The following PTPRT variants were observed in gnomAD, a reference collection of about 807,000 sequenced individuals.
PTPRT encodes receptor-type tyrosine-protein phosphatase T.
A neutral mutation model predicts 176.8 loss-of-function variants in PTPRT; 56 were observed. The ratio of observed to expected loss-of-function variants is 0.32; its 90% CI spans 0.26 to 0.40. The LOEUF is 0.40. PTPRT is among the 10% of genes least tolerant of loss of function. PTPRT has a pLI of 1.00. For missense variants in PTPRT, 1,540 were observed against 1,908.2 expected (o/e 0.81, Z 3.60); for synonymous variants, 783 against 739.0 (o/e 1.06, Z -0.96).
At chr20:42,850,102 C>T (rs4812659) in intron 2 of PTPRT, among the ~76,000 whole-genome samples, 35,800 of 152,134 alleles carry the variant, frequency 0.24, 5,635 homozygotes, top group African/African-American at 0.45. Context: ...TTGTGAAGGA[C>T]TACCTCTTCC....
chr20:42,255,505 T>C (rs574133200), intron 13 of PTPRT, among the ~76,000 whole-genome samples: 2 of 152,206 alleles, frequency 1.3e-5, no homozygotes, highest in African/African-American at 2.4e-5. Flanking sequence ...ACCTGCTACC[T>C]AAGTTCATCC....
intron 1 of PTPRT, among the ~76,000 whole-genome samples, chr20:43,128,217 C>T (rs939191257): frequency 8.5e-5 from 13 of 152,136 alleles, no homozygotes; most frequent in African/African-American, 3.1e-4. Context: ...CCCAAGGCCC[C>T]CATTTGGACA....
At position 42,097,044 on chromosome 20, in the gene PTPRT, T is replaced by C. The variant is rs184892035; in HGVS notation, c.3846+1377A>G. Among the ~76,000 whole-genome samples the C allele has an allele frequency of 1.6e-4, 24 of 152,294 alleles. 2 individuals are homozygous for C. In the East Asian group the frequency reaches 4.1e-3, roughly 26 times the overall value. On this transcript the variant is annotated intron_variant, in intron 27 of 30. Transcript: ENST00000373187. ...GCACCAGGAGAAAATGAGACAGCAG[T>C]GTGGGTGGAAGCCCAACCCCTGCCT...
At chr20:42,671,075 C>T (rs2075404591) in intron 7 of PTPRT, among the ~76,000 whole-genome samples, 1 of 152,148 alleles carries the variant, frequency 6.6e-6, no homozygotes, top group African/African-American at 2.4e-5. Context: ...AGGAGAGGTA[C>T]AGGGCCAAGT....
chr20:42,491,192 C>A (rs546310576), intron 7 of PTPRT, among the ~76,000 whole-genome samples: 41 of 152,082 alleles, frequency 2.7e-4, no homozygotes, highest in Non-Finnish European at 5.7e-4. Flanking sequence ...TATACATTCA[C>A]GCATGAAATG....
intron 26 of PTPRT, among the ~76,000 whole-genome samples, chr20:42,101,650 C>T (rs1985945187): frequency 6.6e-6 from 1 of 152,156 alleles, no homozygotes; most frequent in South Asian, 2.1e-4. Context: ...TTTACTGAGC[C>T]CCTACTGTGC....
chr20:42,050,701 C>T, the PTPRT span, among the ~76,000 whole-genome samples: 4 of 152,230 alleles, frequency 2.6e-5, no homozygotes, highest in East Asian at 1.9e-4. Flanking sequence ...CTTTTAGGTG[C>T]GGCCACAGGG....
intron 16 of PTPRT, among the ~76,000 whole-genome samples, chr20:42,180,178 T>C (rs1380593190): frequency 1.3e-5 from 2 of 152,192 alleles, no homozygotes; most frequent in Non-Finnish European, 2.9e-5. Flanking sequence ...TAATTTACAA[T>C]GGTACCTTCT....
At chr20:42,495,897 C>T (rs1448084297) in intron 7 of PTPRT, among the ~76,000 whole-genome samples, 1 of 152,086 alleles carries the variant, frequency 6.6e-6, no homozygotes, top group Non-Finnish European at 1.5e-5. Context: ...AACCTCCCAC[C>T]CCCACACAGT....
chr20:42,119,013 GAAAAAAAAAAAAAAAAA>G (rs11415242), intron 20 of PTPRT, among the ~76,000 whole-genome samples: 3 of 29,214 alleles, frequency 1.0e-4, no homozygotes, highest in African/African-American at 1.4e-4. Context: ...AGAAAGGAAG[GAAAAAAAAAAAAAAAAA>G]AAAAAAAAAA....
intron 15 of PTPRT, 127 bp from the exon 16 acceptor site, chr20:42,199,515 G>T: frequency 9.1e-7 from 1 of 1,104,968 alleles, no homozygotes; most frequent in Admixed American, 2.4e-5. Flanking sequence ...TCCAGAAAAA[G>T]AATCAAGGCA....
At chr20:42,469,791 C>A (rs937870971) in intron 8 of PTPRT, among the ~76,000 whole-genome samples, 6 of 145,598 alleles carry the variant, frequency 4.1e-5, no homozygotes, top group African/African-American at 1.5e-4. Flanking sequence ...GATGGATCAT[C>A]AAAGTAGACT....
intron 7 of PTPRT, among the ~76,000 whole-genome samples, chr20:42,641,722 C>CA (rs1398544688): frequency 6.6e-6 from 1 of 152,110 alleles, no homozygotes; most frequent in African/African-American, 2.4e-5. Context: ...AGAACCTAAG[C>CA]AGTTGGAATA....
At chr20:42,878,765 A>T (rs770432524) in intron 2 of PTPRT, among the ~76,000 whole-genome samples, 18 of 152,334 alleles carry the variant, frequency 1.2e-4, no homozygotes, top group South Asian at 8.3e-4. Context: ...GTGGTGGCTG[A>T]CACCTGTAAT....
intron 1 of PTPRT, among the ~76,000 whole-genome samples, chr20:43,018,183 T>C (rs995981019): frequency 1.3e-4 from 20 of 152,312 alleles, no homozygotes; most frequent in African/African-American, 4.6e-4. Flanking sequence ...CCCAGGGCCC[T>C]TTCCTTTACC....
At chr20:43,163,928 A>G (rs4810377) in intron 1 of PTPRT, among the ~76,000 whole-genome samples, 17,741 of 152,230 alleles carry the variant, frequency 0.12, 1,376 homozygotes, top group East Asian at 0.31. Context: ...AATTTGGACT[A>G]TACAGATCCT....
intron 9 of PTPRT, among the ~76,000 whole-genome samples, chr20:42,412,212 T>C (rs2059025896): frequency 6.6e-6 from 1 of 152,188 alleles, no homozygotes; most frequent in South Asian, 2.1e-4. Context: ...TGAAGTTCAG[T>C]GGTACAAAGA....
Position 42,516,019 on chromosome 20 carries a change from C to A in PTPRT, c.1154-43457G>T, listed in dbSNP as rs928590850. ...TATCACAAGAACAAAAAACCAAACACCGCATATTCTCACTCATAGGTGGGA... is the reference window on the plus strand; with the variant it reads ...TATCACAAGAACAAAAAACCAAACAACGCATATTCTCACTCATAGGTGGGA... On this transcript the variant is annotated intron_variant, in intron 7 of 30. Coordinates refer to ENST00000373187, the MANE Select transcript of PTPRT (RefSeq NM_007050.6). Among the ~76,000 whole-genome samples, 8 of 146,698 alleles carry A rather than the reference C, an allele frequency of 5.5e-5. No homozygotes were observed. The East Asian group carries it at 1.6e-3, about 30-fold the overall frequency.
chr20:42,066,548 A>T, the PTPRT span, among the ~76,000 whole-genome samples: 1 of 152,090 alleles, frequency 6.6e-6, no homozygotes, highest in Admixed American at 6.5e-5. Context: ...ATTGTTTTGG[A>T]ATAGTACATA....
Sources: gnomAD v4.1 joint callset for allele counts (sites outside exome capture counted in the v4.1 genomes callset) on GRCh38, gnomAD v4.1.1 for gene constraint, MANE v1.5 for transcripts, NCBI Gene and HGNC (gene_info 2026-07-23, HGNC 2026-07-21) for gene names.